ASNS: variants seen among roughly 807,000 people sequenced by gnomAD.
ASNS encodes asparagine synthetase [glutamine-hydrolyzing].
Under a neutral mutation model 62.6 loss-of-function variants are expected in ASNS, and 37 were observed. The observed-to-expected ratio is 0.59, with a 90% CI of 0.45 to 0.78. ASNS has a LOEUF of 0.78. Among genes scored for constraint, ASNS ranks in the 30% least tolerant of loss-of-function variants. The probability of loss-of-function intolerance (pLI) is 0.00; values close to 1 mark genes in which losing one functional copy is unlikely to be tolerated. For synonymous variants in ASNS, 207 were observed against 237.9 expected (o/e 0.87, Z 1.19); for missense variants, 520 against 682.4 (o/e 0.76, Z 2.65).
the ASNS span, among the ~76,000 whole-genome samples, chr7:97,886,477 C>A: frequency 2.0e-5 from 3 of 152,090 alleles, no homozygotes; most frequent in Non-Finnish European, 4.4e-5. Flanking sequence ...CTGCTCCCTT[C>A]ACCAGGAGAT....
chr7:97,869,276 G>T (rs935600057), intron 2 of ASNS, 97 bp from the exon 3 acceptor site: 11 of 1,370,058 alleles, frequency 8.0e-6, no homozygotes, highest in Non-Finnish European at 9.8e-6. Context: ...CCACTTCAAA[G>T]ACTAAAATTT....
chr7:97,914,779 G>A, the ASNS span, among the ~76,000 whole-genome samples: 1 of 145,418 alleles, frequency 6.9e-6, no homozygotes, highest in Non-Finnish European at 1.5e-5. Flanking sequence ...CATCACACAG[G>A]CTTTTCCAAG....
At chr7:97,876,343 A>G (rs1385256196), upstream of ASNS, among the ~76,000 whole-genome samples, 1 of 152,078 alleles carries the variant, frequency 6.6e-6, no homozygotes, top group African/African-American at 2.4e-5. Context: ...TGGTTTCCTC[A>G]TCAATAAAAT....
chr7:97,882,627 A>G, the ASNS span, among the ~76,000 whole-genome samples: 3 of 113,090 alleles, frequency 2.7e-5, no homozygotes, highest in African/African-American at 1.2e-4. Context: ...GAGAGAGATT[A>G]AATAAATAAA....
At chr7:97,881,350 T>C in the ASNS span, among the ~76,000 whole-genome samples, 1 of 152,070 alleles carries the variant, frequency 6.6e-6, no homozygotes, top group South Asian at 2.1e-4. Context: ...ATCATCTCTG[T>C]CTAGTTCCAA....
At chr7:97,863,958 C>T in intron 4 of ASNS, 1 of 273,592 alleles carries the variant, frequency 3.7e-6, no homozygotes, top group Non-Finnish European at 6.8e-6. Context: ...CAGAGTCAAC[C>T]CTACGATTAT....
At chr7:97,922,635 T>C in the ASNS span, among the ~76,000 whole-genome samples, 1 of 152,180 alleles carries the variant, frequency 6.6e-6, no homozygotes, top group Admixed American at 6.5e-5. Context: ...TTTAGCTTGA[T>C]TTAGCCATTT....
the ASNS span, among the ~76,000 whole-genome samples, chr7:97,916,307 G>C: frequency 6.6e-6 from 1 of 152,182 alleles, no homozygotes; most frequent in Non-Finnish European, 1.5e-5. Flanking sequence ...CTTGAATCTG[G>C]GAGGCAGAGA....
intron 5 of ASNS, 57 bp downstream of exon 5, chr7:97,859,156 C>T (rs1791596115): frequency 6.5e-7 from 1 of 1,544,736 alleles, no homozygotes; most frequent in Non-Finnish European, 8.7e-7. Flanking sequence ...GAGAATACAA[C>T]TTAAAATTTT....
intron 10 of ASNS, 139 bp from the exon 11 acceptor site, chr7:97,853,525 T>C (rs1791288206): frequency 4.6e-6 from 3 of 654,934 alleles, no homozygotes; most frequent in African/African-American, 3.6e-5. Context: ...AGCCTCCTAA[T>C]GACTGCCCTA....
chr7:97,918,655 A>C, the ASNS span, among the ~76,000 whole-genome samples: 1 of 152,232 alleles, frequency 6.6e-6, no homozygotes, highest in South Asian at 2.1e-4. Context: ...TTGTGTGCAC[A>C]GAGGAAAAAG....
the ASNS span, among the ~76,000 whole-genome samples, chr7:97,891,983 C>A: frequency 1.3e-5 from 2 of 152,254 alleles, no homozygotes; most frequent in African/African-American, 4.8e-5. Context: ...GCTCCGACCC[C>A]ACATTTCCCT....
rs773300347 is a variant in ASNS, at chr7:97,853,387, C to T, written c.1239-1G>A. 2 of 1,610,644 alleles carry T rather than the reference C, an allele frequency of 1.2e-6. No homozygotes were observed. Among genetic ancestry groups the T allele is most frequent in the South Asian group, 1.1e-5 (1 of 90,734 alleles). On this transcript the variant is annotated splice_acceptor_variant, in intron 10 of 12. Coordinates refer to ENST00000394308, the MANE Select transcript of ASNS (RefSeq NM_001673.5). LOFTEE classifies it high-confidence loss of function. Reference sequence around the variant, plus strand: ...TAGAAATGGGACTCTCAGTTCAAGACTTAAAGGAGAAAAGAAGAAAATCTA... The same window carrying T: ...TAGAAATGGGACTCTCAGTTCAAGATTTAAAGGAGAAAAGAAGAAAATCTA...
At chr7:97,898,485 T>A in the ASNS span, 1 of 544,434 alleles carries the variant, frequency 1.8e-6, no homozygotes, top group South Asian at 1.6e-5. Flanking sequence ...GCATTTTTAC[T>A]TTTCTAATGA....
the ASNS span, among the ~76,000 whole-genome samples, chr7:97,882,547 T>C: frequency 2.4e-5 from 3 of 122,994 alleles, no homozygotes; most frequent in South Asian, 5.7e-4. Flanking sequence ...ATTAAATAAA[T>C]AAATAAATAA....
chr7:97,859,211 A>G lies in ASNS; in HGVS notation c.673+2T>C. On this transcript the variant is annotated splice_donor_variant, in intron 5 of 12. Coordinates refer to ENST00000394308, the MANE Select transcript of ASNS (RefSeq NM_001673.5). LOFTEE classifies it high-confidence loss of function. ...GGGAATAGGTGGGTGGGTGTCTGCTACCTGGAAAGAGTTTCTCCACATTGT... is the reference window on the plus strand; with the variant it reads ...GGGAATAGGTGGGTGGGTGTCTGCTGCCTGGAAAGAGTTTCTCCACATTGT... 1 of 1,600,020 alleles carries G rather than the reference A, an allele frequency of 6.2e-7. No homozygotes were observed. Among genetic ancestry groups the G allele is most frequent in the Non-Finnish European group, 8.5e-7 (1 of 1,170,984 alleles).
intron 3 of ASNS, among the ~76,000 whole-genome samples, chr7:97,865,628 G>A (rs1791926144): frequency 6.6e-6 from 1 of 152,122 alleles, no homozygotes; most frequent in South Asian, 2.1e-4. Flanking sequence ...TTCTCCTACA[G>A]CTTGACTTTC....
At chr7:97,898,964 T>G in the ASNS span, 7 of 815,464 alleles carry the variant, frequency 8.6e-6, no homozygotes, top group South Asian at 1.4e-5. Context: ...TTGGGTTCCT[T>G]GGGTCCTGGC....
At chr7:97,877,092 CT>C, upstream of ASNS, among the ~76,000 whole-genome samples, 1 of 114,638 alleles carries the variant, frequency 8.7e-6, no homozygotes, top group East Asian at 2.9e-4. Flanking sequence ...ATTCATTTAA[CT>C]TCTTTTTTTT....
Sources: allele counts gnomAD v4.1 joint callset (sites outside exome capture counted in the v4.1 genomes callset), GRCh38; gene constraint gnomAD v4.1.1; transcripts MANE v1.5; gene names NCBI Gene and HGNC (gene_info 2026-07-23, HGNC 2026-07-21).